Variants in FOXP1 observed in about 807,000 individuals in gnomAD.
FOXP1 encodes the protein forkhead box P1.
FOXP1 carries 15 observed loss-of-function variants against 98.2 expected under a neutral mutation model. The ratio of observed to expected loss-of-function variants is 0.15; its 90% CI spans 0.10 to 0.24. The LOEUF is 0.24. FOXP1 is among the 10% of genes least tolerant of loss of function. The probability of loss-of-function intolerance (pLI) is 1.00; values close to 1 mark genes in which losing one functional copy is unlikely to be tolerated. For synonymous variants in FOXP1, 371 were observed against 314.5 expected, an observed-to-expected ratio of 1.18 and a Z score of -1.90; for missense variants, 633 against 848.5, an observed-to-expected ratio of 0.75 and a Z score of 3.15.
chr3:70,985,102 T>C (rs959521526), intron 14 of FOXP1, among the ~76,000 whole-genome samples: 2 of 152,184 alleles, frequency 1.3e-5, no homozygotes. Flanking sequence ...AGGTTTCTTC[T>C]ACACAGAAAT....
chr3:71,516,423 C>T (rs1000684461), intron 2 of FOXP1, among the ~76,000 whole-genome samples: 3 of 152,210 alleles, frequency 2.0e-5, no homozygotes, highest in African/African-American at 7.2e-5. Context: ...ATTCTTGCAA[C>T]TATCTGTGTT....
chr3:71,091,403 G>A (rs994809872), intron 7 of FOXP1, among the ~76,000 whole-genome samples: 2 of 151,976 alleles, frequency 1.3e-5, no homozygotes, highest in African/African-American at 4.8e-5. Flanking sequence ...TGAGGCAGAA[G>A]TGCTTGAACC....
chr3:71,514,793 C>CACTG (rs2042444093), intron 2 of FOXP1, among the ~76,000 whole-genome samples: 1 of 152,214 alleles, frequency 6.6e-6, no homozygotes, highest in Non-Finnish European at 1.5e-5. Flanking sequence ...TGCTCTCGCC[C>CACTG]ACTGGGCCCA....
chr3:71,411,498 A>G (rs1274987825), intron 3 of FOXP1, among the ~76,000 whole-genome samples: 4 of 151,956 alleles, frequency 2.6e-5, no homozygotes, highest in Non-Finnish European at 5.9e-5. Flanking sequence ...AATTTTTTCT[A>G]TTTTTAGTAG....
intron 20 of FOXP1, among the ~76,000 whole-genome samples, chr3:70,962,991 G>GTA (rs1481792066): frequency 3.0e-4 from 45 of 152,244 alleles, no homozygotes; most frequent in African/African-American, 1.0e-3. Context: ...ATTACACATT[G>GTA]TATACATGTA....
rs535283156 is a variant in FOXP1, at chr3:71,361,639, A to G, written c.-167-2395T>C. Among the ~76,000 whole-genome samples, 3 of 152,318 alleles carry G rather than the reference A, an allele frequency of 2.0e-5. No homozygotes were observed. The South Asian group carries it at 6.2e-4, about 32-fold the overall frequency. The stretch of plus-strand genomic sequence containing the variant: ...CTAACTAATTTGACACAGTAACATG[A>G]CATTGATGGCGGGGCACACTAATGA... On this transcript the variant is annotated intron_variant, in intron 3 of 20. Coordinates refer to ENST00000649528, the MANE Select transcript of FOXP1 (RefSeq NM_001349338.3).
At chr3:71,111,687 C>T (rs944793568) in intron 7 of FOXP1, among the ~76,000 whole-genome samples, 1 of 152,210 alleles carries the variant, frequency 6.6e-6, no homozygotes, top group Non-Finnish European at 1.5e-5. Context: ...GCGTGAGCCA[C>T]CATGCCTGGC....
At chr3:71,130,943 G>A in intron 6 of FOXP1, 4 of 1,237,174 alleles carry the variant, frequency 3.2e-6, no homozygotes, top group Non-Finnish European at 4.1e-6. Flanking sequence ...CCAAGCCCTA[G>A]CCAAACACAG....
At chr3:71,082,933 A>G (rs2054608512) in intron 7 of FOXP1, among the ~76,000 whole-genome samples, 1 of 152,200 alleles carries the variant, frequency 6.6e-6, no homozygotes, top group South Asian at 2.1e-4. Context: ...AAATGTCTAT[A>G]TAGCACTTAC....
intron 2 of FOXP1, among the ~76,000 whole-genome samples, chr3:71,523,570 G>A (rs751199357): frequency 1.3e-5 from 2 of 152,142 alleles, no homozygotes; most frequent in Non-Finnish European, 2.9e-5. Context: ...TTTTCTTCAT[G>A]AGTATTTTAT....
rs73839903 is a variant in FOXP1, at chr3:71,562,534, T to C, written c.-298+19015A>G. Among the ~76,000 whole-genome samples, 564 of 152,314 alleles carry C rather than the reference T, an allele frequency of 3.7e-3. 5 individuals carry two copies. Among genetic ancestry groups the C allele is most frequent in the African/African-American group, 0.013 (544 of 41,556 alleles). ...CTACTGCCTTTAACCAACAGAGTCA[T>C]AAGCGCTAATATTATTGACCTTTCA... is the stretch of plus-strand genomic sequence containing the variant. On this transcript the variant is annotated intron_variant, in intron 2 of 20. Coordinates refer to ENST00000649528, the MANE Select transcript of FOXP1 (RefSeq NM_001349338.3).
intron 4 of FOXP1, among the ~76,000 whole-genome samples, chr3:71,311,528 A>T (rs1396013099): frequency 6.6e-6 from 1 of 152,200 alleles, no homozygotes; most frequent in African/African-American, 2.4e-5. Context: ...CTCTGTTCCT[A>T]CTGTTGTACG....
chr3:71,513,341 T>C (rs541859531), intron 2 of FOXP1, among the ~76,000 whole-genome samples: 2 of 152,314 alleles, frequency 1.3e-5, no homozygotes, highest in East Asian at 3.9e-4. Context: ...GAGTCAATAC[T>C]GACTCGTGTC....
intron 3 of FOXP1, among the ~76,000 whole-genome samples, chr3:71,433,683 C>T (rs2084941126): frequency 6.6e-6 from 1 of 152,200 alleles, no homozygotes; most frequent in African/African-American, 2.4e-5. Context: ...TTCTCCCCAG[C>T]TTGCAATGTA....
At chr3:71,100,941 C>T (rs987251202) in intron 7 of FOXP1, among the ~76,000 whole-genome samples, 2 of 151,954 alleles carry the variant, frequency 1.3e-5, no homozygotes, top group African/African-American at 2.4e-5. Context: ...AATGACATGG[C>T]GTTCGAGGAG....
At chr3:71,092,378 A>G (rs767682921) in intron 7 of FOXP1, among the ~76,000 whole-genome samples, 114 of 151,958 alleles carry the variant, frequency 7.5e-4, no homozygotes, top group Non-Finnish European at 7.6e-4. Context: ...TCCATCTCAA[A>G]AAAAGAAAAA....
intron 14 of FOXP1, among the ~76,000 whole-genome samples, chr3:70,986,749 TA>T (rs199607558): frequency 7.4e-6 from 1 of 134,760 alleles, no homozygotes; most frequent in African/African-American, 2.8e-5. Context: ...CCATTTACTG[TA>T]AAATAATACA....
chr3:71,070,776 A>G (rs902166933), intron 7 of FOXP1, among the ~76,000 whole-genome samples: 2 of 152,184 alleles, frequency 1.3e-5, no homozygotes, highest in African/African-American at 2.4e-5. Context: ...GGGAAGCACA[A>G]GGCCTGTACA....
At chr3:71,386,463 C>T (rs1215025039) in intron 3 of FOXP1, among the ~76,000 whole-genome samples, 2 of 152,184 alleles carry the variant, frequency 1.3e-5, no homozygotes, top group East Asian at 3.8e-4. Context: ...TAGAATCACG[C>T]CCTGTGCGGT....
Sources: gnomAD v4.1 joint callset for allele counts (sites outside exome capture counted in the v4.1 genomes callset) on GRCh38, gnomAD v4.1.1 for gene constraint, MANE v1.5 for transcripts, NCBI Gene and HGNC (gene_info 2026-07-23, HGNC 2026-07-21) for gene names.